CALU: variants seen among roughly 807,000 people sequenced by gnomAD.
CALU encodes the protein calumenin.
Under a neutral mutation model 37.5 loss-of-function variants are expected in CALU, and 13 were observed. The ratio of observed to expected loss-of-function variants is 0.35; its 90% CI spans 0.23 to 0.55. The LOEUF (loss-of-function observed/expected upper bound fraction) is 0.55, where lower values mean the gene tolerates loss of function less well. Ranked by LOEUF, CALU falls within the 20% of genes least tolerant of loss-of-function variation. The pLI, the probability that CALU is intolerant of heterozygous loss-of-function variation, is 0.89. For missense variants in CALU, 282 were observed against 391.7 expected, an observed-to-expected ratio of 0.72 and a Z score of 2.36; for synonymous variants, 114 against 133.8, an observed-to-expected ratio of 0.85 and a Z score of 1.02.
chr7:128,755,362 G>A (rs1334568249), intron 3 of CALU, among the ~76,000 whole-genome samples: 1 of 148,274 alleles, frequency 6.7e-6, no homozygotes, highest in Non-Finnish European at 1.5e-5. Flanking sequence ...ACTTCCAACA[G>A]TGCAAAGCAA....
At chr7:128,754,695 A>C (rs1313398137) in intron 3 of CALU, 1 of 1,551,904 alleles carries the variant, frequency 6.4e-7, no homozygotes, top group East Asian at 2.4e-5. Flanking sequence ...GGATGAGTAC[A>C]GAAACGTGAC....
chr7:128,754,562 T>C, intron 3 of CALU, 107 bp downstream of exon 3: 1 of 1,554,392 alleles, frequency 6.4e-7, no homozygotes. Flanking sequence ...CGGATAAAGA[T>C]GGGTTTGTGA....
chr7:128,755,309 CAAAAAAAA>C lies in CALU; in HGVS notation c.415+871_415+878del, dbSNP rs59208090. On this transcript the variant is annotated intron_variant, in intron 3 of 6. Transcript: ENST00000249364. ...CCTTGGGGACAGAGCGAGCTCTGTC[CAAAAAAAA>C]AAAAAAAAAAAAAAAAGAGGCTATG... Among the ~76,000 whole-genome samples the C allele has an allele frequency of 2.5e-4, 13 of 51,526 alleles. No individual in the cohort carries two copies. In the East Asian group the frequency reaches 3.7e-3, roughly 14 times the overall value. The allele number at this position is 51,526 out of a possible 152,430, so 33.8% of individuals were successfully genotyped here. A position where few individuals can be genotyped will look rare whatever the true frequency, so the allele number is the denominator to read the frequency against.
chr7:128,750,925 TG>T (rs1470157778), intron 2 of CALU, among the ~76,000 whole-genome samples: 7 of 152,222 alleles, frequency 4.6e-5, no homozygotes, highest in South Asian at 2.1e-4. Context: ...TTATTAAGAA[TG>T]TTGACAAATA....
At chr7:128,741,040 G>A (rs1800221982) in intron 1 of CALU, among the ~76,000 whole-genome samples, 1 of 152,132 alleles carries the variant, frequency 6.6e-6, no homozygotes, top group African/African-American at 2.4e-5. Context: ...TAGTACATTG[G>A]TGTTAACACA....
chr7:128,742,001 A>G (rs1800259862), intron 1 of CALU, among the ~76,000 whole-genome samples: 1 of 152,216 alleles, frequency 6.6e-6, no homozygotes, highest in Non-Finnish European at 1.5e-5. Flanking sequence ...CACTTCTATT[A>G]TCTCAGCTGT....
chr7:128,740,830 A>ATCTT (rs1401980284), intron 1 of CALU, among the ~76,000 whole-genome samples: 1 of 152,214 alleles, frequency 6.6e-6, no homozygotes, highest in African/African-American at 2.4e-5. Context: ...ATGTGTCAAG[A>ATCTT]AGTACTTATT....
At chr7:128,766,987 T>C (rs142508240) in intron 5 of CALU, among the ~76,000 whole-genome samples, 3 of 152,362 alleles carry the variant, frequency 2.0e-5, no homozygotes, top group Admixed American at 6.5e-5. Context: ...CTCTCTTGAC[T>C]GACCTTTCTC....
chr7:128,750,300 C>A (rs983405201), intron 2 of CALU, among the ~76,000 whole-genome samples: 1 of 151,574 alleles, frequency 6.6e-6, no homozygotes, highest in Non-Finnish European at 1.5e-5. Context: ...ATATTGTGCA[C>A]GTCCAACCCA....
At chr7:128,741,893 T>C (rs1453137434) in intron 1 of CALU, among the ~76,000 whole-genome samples, 1 of 152,176 alleles carries the variant, frequency 6.6e-6, no homozygotes, top group Admixed American at 6.5e-5. Context: ...GCCAGAAAAA[T>C]TTAAAGTTTG....
At chr7:128,740,371 A>G (rs926429636) in intron 1 of CALU, among the ~76,000 whole-genome samples, 3 of 152,244 alleles carry the variant, frequency 2.0e-5, no homozygotes, top group Non-Finnish European at 4.4e-5. Context: ...AATTGGGAAT[A>G]AGGTGGCTTC....
At chr7:128,757,084 A>C (rs552208003) in intron 3 of CALU, among the ~76,000 whole-genome samples, 1 of 141,056 alleles carries the variant, frequency 7.1e-6, no homozygotes, top group Admixed American at 7.0e-5. Context: ...ACTATAAATT[A>C]AAAAAAAAAA....
In CALU at chr7:128,769,294, A is replaced by T; in HGVS notation, c.*127A>T. The T allele has an allele frequency of 8.7e-6, 5 of 576,266 alleles. No homozygotes were observed. The highest frequency in any genetic ancestry group is 1.5e-5 in the Non-Finnish European group (5 of 324,988). 35.7% of individuals were successfully genotyped at this position (576,266 alleles called of 1,614,324 possible). On this transcript the variant is annotated 3_prime_UTR_variant, in exon 7 of 7. Coordinates refer to ENST00000249364, the MANE Select transcript of CALU (RefSeq NM_001219.5). ...TAAGACATGAAAAGGCGTAATGAAA[A>T]CCATCCCGTCCCCATTCCTCCTCCT...
rs969981507 is a variant in CALU at position 128,759,940 on chromosome 7, G to A, written c.643+88G>A. 12 of 781,956 alleles carry A rather than the reference G, an allele frequency of 1.5e-5. No individual in the cohort carries two copies. In the East Asian group the frequency reaches 2.8e-4, roughly 19 times the overall value. 48.4% of individuals were successfully genotyped at this position (781,956 alleles called of 1,614,324 possible). ...TGGCTGGGCACAGTGGCTCATGCCT[G>A]TAATCCCAACACTGGGAGGCCGAGG... On this transcript the variant is annotated intron_variant, in intron 5 of 6. Coordinates refer to ENST00000249364, the MANE Select transcript of CALU (RefSeq NM_001219.5).
chr7:128,751,830 T>A (rs1800687717), intron 2 of CALU, among the ~76,000 whole-genome samples: 2 of 152,190 alleles, frequency 1.3e-5, no homozygotes, highest in African/African-American at 4.8e-5. Context: ...CTTAAACAAC[T>A]GAAGGGTTTG....
chr7:128,750,946 A>G (rs1212331022), intron 2 of CALU, among the ~76,000 whole-genome samples: 1 of 152,184 alleles, frequency 6.6e-6, no homozygotes, highest in African/African-American at 2.4e-5. Flanking sequence ...AGGCGATTTT[A>G]TGTATCCTTA....
rs1348397895 is a variant in CALU at position 128,773,383 on chromosome 7, A to G, written c.*4216A>G. 6.6e-6 allele frequency among the ~76,000 whole-genome samples: 1 copy of G among 152,204 alleles called. No individual in the cohort carries two copies. The highest frequency in any genetic ancestry group is 1.9e-4 in the East Asian group (1 of 5,200). On this transcript the variant is annotated 3_prime_UTR_variant, in exon 7 of 7. Coordinates refer to ENST00000249364, the MANE Select transcript of CALU (RefSeq NM_001219.5). ...GGTGGTTTGCTGCACGAGTTTTTCA[A>G]TAAAATGCTTTCATTCATCCTGTTC...
intron 5 of CALU, among the ~76,000 whole-genome samples, chr7:128,766,722 G>C (rs1292234963): frequency 6.6e-6 from 1 of 152,040 alleles, no homozygotes; most frequent in African/African-American, 2.4e-5. Context: ...CTCCCAAAGT[G>C]CTGGAATTAC....
intron 3 of CALU, among the ~76,000 whole-genome samples, chr7:128,757,098 T>C (rs1008654814): frequency 6.6e-6 from 1 of 151,544 alleles, no homozygotes; most frequent in East Asian, 1.9e-4. Context: ...AAAAAAAAAA[T>C]TGTATCTTCC....
Sources: allele counts gnomAD v4.1 joint callset (sites outside exome capture counted in the v4.1 genomes callset), GRCh38; gene constraint gnomAD v4.1.1; transcripts MANE v1.5; gene names NCBI Gene and HGNC (gene_info 2026-07-23, HGNC 2026-07-21).